The following NOX4 variants were observed in gnomAD, a reference collection of about 807,000 sequenced individuals.
NOX4 encodes the protein NADPH oxidase 4.
NOX4 carries 69 observed loss-of-function variants against 87.6 expected under a neutral mutation model. That is an observed-to-expected ratio of 0.79 (90% CI 0.65 to 0.96). NOX4 has a LOEUF of 0.96. NOX4 is among the 40% of genes least tolerant of loss of function. NOX4 has a pLI of 0.00. For missense variants in NOX4, 680 were observed against 681.5 expected (o/e 1.00, Z 0.02); for synonymous variants, 275 against 238.2 (o/e 1.15, Z -1.42).
Position 89,488,950 on chromosome 11 carries a change from C to T in NOX4, c.153+1508G>A. The T allele has an allele frequency of 1.0e-5, 7 of 699,894 alleles. No individual in the cohort carries two copies. The East Asian group carries it at 1.9e-4, about 19-fold the overall frequency. The allele number at this position is 699,894 out of a possible 1,614,324, so 43.4% of individuals were successfully genotyped here. On this transcript the variant is annotated intron_variant, in intron 2 of 17. Transcript: ENST00000263317. ...ACTTGAGGGGCGAGGTGAGGTCTTACTCTCTGGGTGCCCATCTGAAATGTA... is the reference window on the plus strand; with the variant it reads ...ACTTGAGGGGCGAGGTGAGGTCTTATTCTCTGGGTGCCCATCTGAAATGTA...
chr11:89,555,589 T>C, the NOX4 span, among the ~76,000 whole-genome samples: 4 of 152,106 alleles, frequency 2.6e-5, no homozygotes, highest in African/African-American at 4.8e-5. Context: ...GATACTTGAA[T>C]TGAATTTTGA....
chr11:89,534,588 A>G, the NOX4 span, among the ~76,000 whole-genome samples: 19 of 152,212 alleles, frequency 1.2e-4, no homozygotes, highest in Non-Finnish European at 2.4e-4. Flanking sequence ...TCTTCTGTAC[A>G]GCTCTTGCCA....
the NOX4 span, among the ~76,000 whole-genome samples, chr11:89,543,684 G>C: frequency 6.6e-6 from 1 of 152,104 alleles, no homozygotes; most frequent in African/African-American, 2.4e-5. Context: ...TATATAAGAA[G>C]TATAGTTCTA....
chr11:89,400,121 G>A lies in NOX4; in HGVS notation c.1012-42C>T, dbSNP rs774837984. The A allele has an allele frequency of 3.8e-6, 6 of 1,575,050 alleles. No homozygotes were observed. In the East Asian group the frequency reaches 1.1e-4, roughly 30 times the overall value. ...AGATAAGTTTTAAATGACCAATTAA[G>A]AATTTCAACTATTTCAATGATGCTA... On this transcript the variant is annotated intron_variant, in intron 10 of 17. Transcript: ENST00000263317.
intron 11 of NOX4, among the ~76,000 whole-genome samples, chr11:89,381,512 T>G (rs1940282244): frequency 6.6e-6 from 1 of 152,056 alleles, no homozygotes; most frequent in African/African-American, 2.4e-5. Flanking sequence ...ACTGTAATTT[T>G]CCATTACCTA....
chr11:89,504,901 C>T, the NOX4 span, among the ~76,000 whole-genome samples: 3 of 151,932 alleles, frequency 2.0e-5, no homozygotes, highest in Admixed American at 1.3e-4. Context: ...GTCTCACCTC[C>T]GATCCCCAAA....
At chr11:89,429,395 C>A (rs1384361511) in intron 7 of NOX4, among the ~76,000 whole-genome samples, 1 of 151,950 alleles carries the variant, frequency 6.6e-6, no homozygotes, top group Non-Finnish European at 1.5e-5. Flanking sequence ...CACAAAAAAC[C>A]CTTCAAAAAA....
chr11:89,541,483 G>C, the NOX4 span, among the ~76,000 whole-genome samples: 1 of 152,024 alleles, frequency 6.6e-6, no homozygotes, highest in Admixed American at 6.5e-5. Context: ...TACACTACCA[G>C]GTATTAGATT....
At chr11:89,491,767 A>ACAC (rs879755481), upstream of NOX4, among the ~76,000 whole-genome samples, 3,823 of 114,582 alleles carry the variant, frequency 0.033, 92 homozygotes, top group East Asian at 0.14. Context: ...CACACACACA[A>ACAC]GAAGACACAG....
At chr11:89,392,158 AT>A (rs1180545388) in intron 11 of NOX4, among the ~76,000 whole-genome samples, 7 of 151,908 alleles carry the variant, frequency 4.6e-5, no homozygotes, top group Non-Finnish European at 7.4e-5. Context: ...AAATAAGACA[AT>A]TTTTTTTCTT....
chr11:89,564,896 C>G, the NOX4 span, among the ~76,000 whole-genome samples: 1 of 151,962 alleles, frequency 6.6e-6, no homozygotes, highest in Non-Finnish European at 1.5e-5. Context: ...TATTTCTGTT[C>G]TGGAACTTGG....
chr11:89,536,197 T>A, the NOX4 span, among the ~76,000 whole-genome samples: 12 of 143,166 alleles, frequency 8.4e-5, no homozygotes, highest in Admixed American at 1.5e-4. Flanking sequence ...CTCAGGCTGG[T>A]GTGCAGTGGC....
chr11:89,569,463 A>G, the NOX4 span, among the ~76,000 whole-genome samples: 1 of 152,208 alleles, frequency 6.6e-6, no homozygotes, highest in African/African-American at 2.4e-5. Flanking sequence ...AAAATGCTCA[A>G]CATCACTAAT....
intron 2 of NOX4, among the ~76,000 whole-genome samples, chr11:89,482,801 A>C (rs1946443701): frequency 6.6e-6 from 1 of 152,246 alleles, no homozygotes; most frequent in African/African-American, 2.4e-5. Flanking sequence ...GCAAACAGCA[A>C]ACAGAGGGAA....
chr11:89,390,312 T>C (rs962110425), intron 11 of NOX4, among the ~76,000 whole-genome samples: 8 of 152,168 alleles, frequency 5.3e-5, no homozygotes, highest in Non-Finnish European at 1.0e-4. Context: ...TGGGGGATAG[T>C]ACAAATGAGC....
chr11:89,536,292 G>T, the NOX4 span, among the ~76,000 whole-genome samples: 1 of 151,712 alleles, frequency 6.6e-6, no homozygotes, highest in Non-Finnish European at 1.5e-5. Context: ...GACTATAGGC[G>T]CCCGCCACCA....
chr11:89,431,645 A>T (rs1284444995), intron 7 of NOX4, among the ~76,000 whole-genome samples: 2 of 152,180 alleles, frequency 1.3e-5, no homozygotes, highest in Non-Finnish European at 2.9e-5. Context: ...TCAAAACCAC[A>T]ATGAGATACC....
the NOX4 span, among the ~76,000 whole-genome samples, chr11:89,572,058 G>A: frequency 3.9e-5 from 6 of 152,176 alleles, no homozygotes; most frequent in African/African-American, 1.4e-4. Flanking sequence ...AAGTAGTCCT[G>A]ATTTACTGTA....
chr11:89,367,642 G>A (rs932979365), intron 12 of NOX4, among the ~76,000 whole-genome samples: 1 of 152,010 alleles, frequency 6.6e-6, no homozygotes, highest in Non-Finnish European at 1.5e-5. Context: ...TTAATGTGAT[G>A]TGTTTGCCTC....
Sources: allele counts gnomAD v4.1 joint callset (sites outside exome capture counted in the v4.1 genomes callset), GRCh38; gene constraint gnomAD v4.1.1; transcripts MANE v1.5; gene names NCBI Gene and HGNC (gene_info 2026-07-23, HGNC 2026-07-21).